The following C2orf76 variants were observed in gnomAD, a reference collection of about 807,000 sequenced individuals.
C2orf76 encodes chromosome 2 open reading frame 76, also known as UPF0538 protein C2orf76.
In C2orf76, 23 loss-of-function variants were observed where a neutral mutation model predicts 16.9. The observed-to-expected ratio is 1.36, with a 90% confidence interval of 0.98 to 1.93. The LOEUF is 1.93. Among genes scored for constraint, C2orf76 ranks in the 30% most tolerant of loss-of-function variants. C2orf76 has a pLI of 0.00. For missense variants in C2orf76, 152 were observed against 152.6 expected (o/e 1.00, Z 0.02); for synonymous variants, 48 against 52.3 (o/e 0.92, Z 0.35).
chr2:119,341,772 T>A (rs776734275), intron 1 of C2orf76, among the ~76,000 whole-genome samples: 1 of 152,198 alleles, frequency 6.6e-6, no homozygotes, highest in African/African-American at 2.4e-5. Flanking sequence ...AGGAAAGATA[T>A]ACAATATCAC....
chr2:119,348,704 A>C (rs973721354), intron 1 of C2orf76, among the ~76,000 whole-genome samples: 2 of 151,020 alleles, frequency 1.3e-5, no homozygotes, highest in South Asian at 2.1e-4. Flanking sequence ...AAAAGAAAAG[A>C]AGTTAAAGGG....
chr2:119,284,816 T>C, the C2orf76 span, among the ~76,000 whole-genome samples: 5 of 152,220 alleles, frequency 3.3e-5, no homozygotes, highest in Non-Finnish European at 7.3e-5. Context: ...GTTGATAATT[T>C]TGTAAACGAT....
intron 2 of C2orf76, among the ~76,000 whole-genome samples, chr2:119,325,488 T>C (rs566220055): frequency 3.4e-4 from 48 of 142,662 alleles, no homozygotes; most frequent in African/African-American, 1.2e-3. Context: ...AAAGACATGA[T>C]GATGTCTGTA....
At chr2:119,317,318 C>A in intron 4 of C2orf76, 148 bp downstream of exon 4, 1 of 475,380 alleles carries the variant, frequency 2.1e-6, no homozygotes, top group Non-Finnish European at 3.5e-6. Context: ...AATGAAAAAG[C>A]TAAGGCAGTA....
chr2:119,358,527 G>A (rs1452199450), intron 1 of C2orf76, among the ~76,000 whole-genome samples: 5 of 139,658 alleles, frequency 3.6e-5, no homozygotes, highest in Admixed American at 3.2e-4. Context: ...GCAGTGAGCC[G>A]AAACTGCACC....
intron 1 of C2orf76, chr2:119,366,482 G>A (rs1433652131): frequency 2.1e-6 from 1 of 471,716 alleles, no homozygotes; most frequent in South Asian, 1.5e-5. Context: ...CGGGAGACCA[G>A]TCCAGCTTTC....
chr2:119,359,324 C>G (rs1214453271), intron 1 of C2orf76, among the ~76,000 whole-genome samples: 3 of 152,204 alleles, frequency 2.0e-5, no homozygotes, highest in South Asian at 2.1e-4. Flanking sequence ...CAAGGAGATT[C>G]ATGTTTTCAT....
At position 119,317,504 on chromosome 2, in the gene C2orf76, C is replaced by A. The variant is rs1408188854; in HGVS notation, c.185-1G>T. ...GCTTGATGAATAATCTTTAGTGCAT[C>A]TGAAAGAAAAAAGCAAGTTATCTTT... On this transcript the variant is annotated splice_acceptor_variant, in intron 3 of 5. Transcript: ENST00000334816. LOFTEE classifies it high-confidence loss of function. The A allele has an allele frequency of 6.2e-7, 1 of 1,604,216 alleles. No homozygotes were observed. The highest frequency in any genetic ancestry group is 1.7e-5 in the Admixed American group (1 of 59,338).
chr2:119,363,348 C>T (rs558231017), intron 1 of C2orf76, among the ~76,000 whole-genome samples: 5 of 150,558 alleles, frequency 3.3e-5, no homozygotes, highest in African/African-American at 1.2e-4. Context: ...GGCGTGAACC[C>T]GGGAGGCGGA....
At chr2:119,347,213 T>C (rs769289895) in intron 1 of C2orf76, among the ~76,000 whole-genome samples, 23 of 152,084 alleles carry the variant, frequency 1.5e-4, no homozygotes, top group Non-Finnish European at 2.9e-4. Context: ...TGGAAGAACA[T>C]GTTAAATGAC....
intron 1 of C2orf76, among the ~76,000 whole-genome samples, chr2:119,350,085 C>A (rs1458643041): frequency 7.4e-6 from 1 of 134,880 alleles, no homozygotes; most frequent in Non-Finnish European, 1.6e-5. Context: ...CGCCCCCCCA[C>A]CGTCCCGCGT....
chr2:119,364,708 A>C (rs1435625326), intron 1 of C2orf76, among the ~76,000 whole-genome samples: 2 of 152,154 alleles, frequency 1.3e-5, no homozygotes, highest in African/African-American at 2.4e-5. Context: ...TAAATAAAAT[A>C]ATTACAACAT....
Position 119,311,382 on chromosome 2 carries a change from A to G in C2orf76, c.304+240T>C, listed in dbSNP as rs11902008. 6.3e-3 allele frequency: 6,204 copies of G among 985,422 alleles called. 300 individuals carry two copies. In the African/African-American group the frequency reaches 0.1, roughly 16 times the overall value. The allele number at this position is 985,422 out of a possible 1,614,324, so 61.0% of individuals were successfully genotyped here. A position where few individuals can be genotyped will look rare whatever the true frequency, so the allele number is the denominator to read the frequency against. ...AATGACCCTCAGGAGAATTCTGAGC[A>G]TACCTTCTGAAAACAGCCATTTGCA... is the stretch of plus-strand genomic sequence containing the variant. On this transcript the variant is annotated intron_variant, in intron 5 of 5. Coordinates refer to ENST00000334816, the MANE Select transcript of C2orf76 (RefSeq NM_001322331.2).
the C2orf76 span, among the ~76,000 whole-genome samples, chr2:119,282,935 G>A: frequency 1.6e-4 from 25 of 152,182 alleles, no homozygotes; most frequent in African/African-American, 4.3e-4. Flanking sequence ...CAACATGCTC[G>A]TCCTTGGGAG....
rs959031713 is a variant in C2orf76 at position 119,316,580 on chromosome 2, G to A, written c.222+886C>T. Among the ~76,000 whole-genome samples, 5 of 152,300 alleles carry A rather than the reference G, an allele frequency of 3.3e-5. No individual in the cohort carries two copies. In the South Asian group the frequency reaches 8.3e-4, roughly 25 times the overall value. On this transcript the variant is annotated intron_variant, in intron 4 of 5. Coordinates refer to ENST00000334816, the MANE Select transcript of C2orf76 (RefSeq NM_001322331.2). Reference sequence around the variant, plus strand: ...GCCATTTTCTTGTGATCTGTGATACGCATTTATCTGAAAGGTGATTGAGTG... The same window carrying A: ...GCCATTTTCTTGTGATCTGTGATACACATTTATCTGAAAGGTGATTGAGTG...
At chr2:119,349,398 T>C (rs531434858) in intron 1 of C2orf76, among the ~76,000 whole-genome samples, 114 of 152,292 alleles carry the variant, frequency 7.5e-4, no homozygotes, top group African/African-American at 2.7e-3. Flanking sequence ...AGGAACTTAG[T>C]TATACTCCTG....
At chr2:119,356,845 A>G (rs1391827804) in intron 1 of C2orf76, among the ~76,000 whole-genome samples, 1 of 152,156 alleles carries the variant, frequency 6.6e-6, no homozygotes, top group Admixed American at 6.5e-5. Context: ...TAGCGAAAGG[A>G]TAATAAGGGA....
intron 5 of C2orf76, among the ~76,000 whole-genome samples, chr2:119,303,646 T>C (rs1459996010): frequency 6.6e-6 from 1 of 152,204 alleles, no homozygotes; most frequent in South Asian, 2.1e-4. Flanking sequence ...ATAATGAAAT[T>C]AATGAGATTA....
chr2:119,350,557 C>T lies in C2orf76; in HGVS notation c.-12-10586G>A, dbSNP rs150704624. 8.3e-3 allele frequency among the ~76,000 whole-genome samples: 1,257 copies of T among 152,300 alleles called. 13 individuals are homozygous for T. The highest frequency in any genetic ancestry group is 0.039 in the South Asian group (190 of 4,814). On this transcript the variant is annotated intron_variant, in intron 1 of 5. Transcript: ENST00000334816. ...TAGGAACTGCCTTGCATGGAAGTCC[C>T]AGTTCGATGGCCAGTAACCACTGCA...
Sources: allele counts gnomAD v4.1 joint callset (sites outside exome capture counted in the v4.1 genomes callset), GRCh38; gene constraint gnomAD v4.1.1; transcripts MANE v1.5; gene names NCBI Gene and HGNC (gene_info 2026-07-23, HGNC 2026-07-21).